Variants in PDE4B observed in about 807,000 individuals in gnomAD.
PDE4B encodes phosphodiesterase 4B.
A neutral mutation model predicts 82.2 loss-of-function variants in PDE4B; 20 were observed. The ratio of observed to expected loss-of-function variants is 0.24; its 90% CI spans 0.17 to 0.35. The LOEUF (loss-of-function observed/expected upper bound fraction) is 0.35, where lower values mean the gene tolerates loss of function less well. Among genes scored for constraint, PDE4B ranks in the 10% least tolerant of loss-of-function variants. The pLI is 1.00. For missense variants in PDE4B, 655 were observed against 907.2 expected (o/e 0.72, Z 3.57); for synonymous variants, 320 against 318.9 (o/e 1.00, Z -0.04).
chr1:66,241,925 G>GA (rs34585854), intron 3 of PDE4B, among the ~76,000 whole-genome samples: 1 of 152,112 alleles, frequency 6.6e-6, no homozygotes, highest in African/African-American at 2.4e-5. Flanking sequence ...TCAGATGCGA[G>GA]AAAAAACTAT....
chr1:66,287,712 G>A (rs1294080855), intron 7 of PDE4B, among the ~76,000 whole-genome samples: 3 of 152,126 alleles, frequency 2.0e-5, no homozygotes, highest in African/African-American at 7.2e-5. Flanking sequence ...TAGGCATAGT[G>A]GCTCATGGAT....
chr1:66,057,401 G>C (rs1198624028), intron 3 of PDE4B, among the ~76,000 whole-genome samples: 1 of 151,968 alleles, frequency 6.6e-6, no homozygotes, highest in Non-Finnish European at 1.5e-5. Flanking sequence ...TTTCTTTCTT[G>C]GTTTGCAGTT....
At chr1:65,877,224 A>G (rs1646655289) in intron 1 of PDE4B, among the ~76,000 whole-genome samples, 1 of 152,208 alleles carries the variant, frequency 6.6e-6, no homozygotes, top group South Asian at 2.1e-4. Context: ...ATGGGACAGA[A>G]CAGAGGACTC....
At chr1:66,313,296 A>T (rs1658795616) in intron 7 of PDE4B, among the ~76,000 whole-genome samples, 2 of 152,210 alleles carry the variant, frequency 1.3e-5, no homozygotes, top group Admixed American at 1.3e-4. Flanking sequence ...TTACTTCTAG[A>T]ATTCTAGAAT....
intron 3 of PDE4B, among the ~76,000 whole-genome samples, chr1:66,119,542 T>G (rs947551276): frequency 6.6e-6 from 1 of 152,160 alleles, no homozygotes; most frequent in African/African-American, 2.4e-5. Context: ...ACAAAAGCAG[T>G]CCTGTGTTAT....
intron 7 of PDE4B, among the ~76,000 whole-genome samples, chr1:66,286,982 T>C (rs1379171089): frequency 6.6e-6 from 1 of 152,116 alleles, no homozygotes; most frequent in East Asian, 1.9e-4. Context: ...TTAGCTGTTA[T>C]AAGAATTCAG....
chr1:65,901,608 A>G (rs72916404), intron 1 of PDE4B, among the ~76,000 whole-genome samples: 1,562 of 152,088 alleles, frequency 0.01, 30 homozygotes, highest in African/African-American at 0.036. Flanking sequence ...CAGAGTTTCA[A>G]TTTATTTCTG....
intron 3 of PDE4B, among the ~76,000 whole-genome samples, chr1:65,936,592 A>C (rs1648152234): frequency 6.6e-6 from 1 of 152,218 alleles, no homozygotes. Flanking sequence ...AATCACCTGA[A>C]GGACTTATTG....
At chr1:65,881,906 C>T (rs1553195252) in intron 1 of PDE4B, among the ~76,000 whole-genome samples, 1 of 152,160 alleles carries the variant, frequency 6.6e-6, no homozygotes, top group South Asian at 2.1e-4. Flanking sequence ...AGAAAGATTG[C>T]ATGACATTAT....
At chr1:66,008,479 T>C (rs988816759) in intron 3 of PDE4B, among the ~76,000 whole-genome samples, 2 of 152,158 alleles carry the variant, frequency 1.3e-5, no homozygotes, top group Admixed American at 1.3e-4. Flanking sequence ...GCTTTGCTCT[T>C]GCACTTGTCC....
At position 66,363,170 on chromosome 1, in the gene PDE4B, G is replaced by A. The variant is rs781321403; in HGVS notation, c.1023G>A (p.Glu341=). 1.2e-6 allele frequency: 2 copies of A among 1,600,526 alleles called. No homozygotes were observed. Among genetic ancestry groups the A allele is most frequent in the African/African-American group, 1.3e-5 (1 of 74,568 alleles). ...NTENEDHLAK[E]LEDLNKWGLN... is the part of the protein sequence containing the mutation. ...TTCCTTTAAATTTTTAATTATAGGA[G>A]CTGGAAGACCTGAACAAATGGGGTC... Residue 341 remains glutamate, a splice_region_variant and synonymous_variant, in exon 11 of 17, where the codon GAG becomes GAA. Coordinates refer to ENST00000341517, the MANE Select transcript of PDE4B (RefSeq NM_002600.4).
intron 7 of PDE4B, among the ~76,000 whole-genome samples, chr1:66,311,341 G>A (rs1320283139): frequency 6.6e-6 from 1 of 152,218 alleles, no homozygotes; most frequent in Non-Finnish European, 1.5e-5. Context: ...GAGACTGTTT[G>A]CATATTGAAA....
At chr1:66,111,067 A>C (rs1489288464) in intron 3 of PDE4B, among the ~76,000 whole-genome samples, 1 of 152,076 alleles carries the variant, frequency 6.6e-6, no homozygotes, top group Non-Finnish European at 1.5e-5. Context: ...ACTTTTAGCA[A>C]GATTATCAAA....
At chr1:65,887,882 A>G (rs370760830) in intron 1 of PDE4B, among the ~76,000 whole-genome samples, 21 of 152,238 alleles carry the variant, frequency 1.4e-4, no homozygotes, top group African/African-American at 4.8e-4. Context: ...CAAATAGATT[A>G]TTCCAGTCAA....
chr1:65,869,563 T>A (rs1469583471), intron 1 of PDE4B, among the ~76,000 whole-genome samples: 1 of 152,194 alleles, frequency 6.6e-6, no homozygotes. Flanking sequence ...TTAATCATCA[T>A]GAATTTAAAT....
intron 3 of PDE4B, among the ~76,000 whole-genome samples, chr1:66,156,041 G>A (rs1025361032): frequency 3.3e-5 from 5 of 152,136 alleles, no homozygotes; most frequent in South Asian, 2.1e-4. Flanking sequence ...TTGAGAGACA[G>A]GTTGATTCAG....
At chr1:65,838,615 G>A (rs568362741) in intron 1 of PDE4B, among the ~76,000 whole-genome samples, 155 of 148,336 alleles carry the variant, frequency 1.0e-3, no homozygotes, top group Non-Finnish European at 1.6e-3. Context: ...ATGTATATGT[G>A]TATATATATG....
intron 3 of PDE4B, among the ~76,000 whole-genome samples, chr1:66,135,367 T>G (rs900184666): frequency 1.3e-5 from 2 of 152,214 alleles, no homozygotes; most frequent in Non-Finnish European, 2.9e-5. Flanking sequence ...TGTCAGCAGT[T>G]AATTTGAGTT....
At chr1:66,096,375 C>T (rs1389770454) in intron 3 of PDE4B, among the ~76,000 whole-genome samples, 1 of 150,996 alleles carries the variant, frequency 6.6e-6, no homozygotes, top group East Asian at 1.9e-4. Flanking sequence ...TGAGTTTCGA[C>T]AAATGCATAC....
Sources: allele counts gnomAD v4.1 joint callset (sites outside exome capture counted in the v4.1 genomes callset), GRCh38; gene constraint gnomAD v4.1.1; transcripts MANE v1.5; gene names NCBI Gene and HGNC (gene_info 2026-07-23, HGNC 2026-07-21).